Variants in FRMPD1 observed in about 807,000 individuals in gnomAD.
FRMPD1 encodes the protein FERM and PDZ domain-containing protein 1.
FRMPD1 carries 76 observed loss-of-function variants against 117.8 expected under a neutral mutation model. The ratio of observed to expected loss-of-function variants is 0.65; its 90% CI spans 0.54 to 0.78. The LOEUF is 0.78. FRMPD1 is among the 30% of genes least tolerant of loss of function. The pLI, the probability that FRMPD1 is intolerant of heterozygous loss-of-function variation, is 0.00. For missense variants in FRMPD1, 1,786 were observed against 1,964.5 expected (o/e 0.91, Z 1.72); for synonymous variants, 783 against 770.4 (o/e 1.02, Z -0.27).
chr9:37,702,944 T>A (rs960281840), intron 2 of FRMPD1, among the ~76,000 whole-genome samples: 1 of 152,200 alleles, frequency 6.6e-6, no homozygotes, highest in African/African-American at 2.4e-5. Flanking sequence ...TTCCCACTAT[T>A]CTAAATAAAG....
intron 1 of FRMPD1, among the ~76,000 whole-genome samples, chr9:37,678,238 C>G (rs1821596557): frequency 7.2e-6 from 1 of 138,798 alleles, no homozygotes; most frequent in Admixed American, 7.5e-5. Flanking sequence ...CTTTTCCCCT[C>G]TAGTACTTAC....
chr9:37,697,760 G>A (rs1353206543), intron 2 of FRMPD1, among the ~76,000 whole-genome samples: 1 of 151,960 alleles, frequency 6.6e-6, no homozygotes, highest in Non-Finnish European at 1.5e-5. Flanking sequence ...TTATAGCTTC[G>A]TATGACTACA....
At chr9:37,700,845 A>T (rs533390178) in intron 2 of FRMPD1, among the ~76,000 whole-genome samples, 102 of 152,328 alleles carry the variant, frequency 6.7e-4, no homozygotes, top group African/African-American at 2.3e-3. Context: ...CCTCACATTT[A>T]TGGTTTGAAA....
chr9:37,632,789 C>T, the FRMPD1 span, among the ~76,000 whole-genome samples: 1 of 151,728 alleles, frequency 6.6e-6, no homozygotes, highest in African/African-American at 2.4e-5. Flanking sequence ...GGGTCAGCTG[C>T]CCTCAAATCA....
At chr9:37,659,591 G>C (rs1341782349) in intron 1 of FRMPD1, among the ~76,000 whole-genome samples, 1 of 152,108 alleles carries the variant, frequency 6.6e-6, no homozygotes. Context: ...GGACAAAGAA[G>C]GGACACATAG....
chr9:37,708,317 T>C, intron 3 of FRMPD1, 82 bp from the exon 4 acceptor site: 1 of 794,846 alleles, frequency 1.3e-6, no homozygotes, highest in South Asian at 1.6e-5. Flanking sequence ...TGGATCAGGG[T>C]GCCATTTAAC....
At chr9:37,622,321 CAATG>C in the FRMPD1 span, among the ~76,000 whole-genome samples, 13 of 152,186 alleles carry the variant, frequency 8.5e-5, 1 homozygote, top group Admixed American at 8.5e-4. Flanking sequence ...TTAATAGCCG[CAATG>C]AATTACCAAC....
chr9:37,660,652 CCCA>C (rs1310624837), intron 1 of FRMPD1, among the ~76,000 whole-genome samples: 1 of 152,178 alleles, frequency 6.6e-6, no homozygotes, highest in African/African-American at 2.4e-5. Flanking sequence ...TCAAAATATC[CCCA>C]CATCAAAATA....
intron 1 of FRMPD1, chr9:37,661,705 G>A (rs1011780848): frequency 2.0e-5 from 3 of 152,250 alleles, no homozygotes; most frequent in Non-Finnish European, 2.9e-5. Flanking sequence ...CTGGGCCTCA[G>A]TTTCCTATCT....
At chr9:37,606,182 A>G in the FRMPD1 span, among the ~76,000 whole-genome samples, 1 of 152,124 alleles carries the variant, frequency 6.6e-6, no homozygotes, top group Non-Finnish European at 1.5e-5. Flanking sequence ...GGCAGTAGAG[A>G]TGGTTGGATA....
the FRMPD1 span, among the ~76,000 whole-genome samples, chr9:37,603,473 C>T: frequency 6.6e-6 from 1 of 152,178 alleles, no homozygotes; most frequent in African/African-American, 2.4e-5. Context: ...GAAGTAGAGA[C>T]TTCTGGGACA....
chr9:37,737,998 A>G lies in FRMPD1; in HGVS notation c.1549+755A>G, dbSNP rs1588970552. Among the ~76,000 whole-genome samples the G allele has an allele frequency of 6.6e-5, 10 of 152,218 alleles. No homozygotes were observed. The South Asian group carries it at 2.1e-3, about 32-fold the overall frequency. On this transcript the variant is annotated intron_variant, in intron 14 of 15. Coordinates refer to ENST00000377765, the MANE Select transcript of FRMPD1 (RefSeq NM_014907.3). ...GGCAGGTAAGACAGTTTCCTAGGCC[A>G]GCTCCCAGTTTCTGCCAGGCTTTTG...
the FRMPD1 span, among the ~76,000 whole-genome samples, chr9:37,608,309 G>A: frequency 5.3e-5 from 8 of 152,044 alleles, no homozygotes; most frequent in South Asian, 1.5e-3. Context: ...ACTCTTCAAA[G>A]TTTTGAACTC....
At chr9:37,702,790 C>T (rs1363476339) in intron 2 of FRMPD1, among the ~76,000 whole-genome samples, 1 of 152,182 alleles carries the variant, frequency 6.6e-6, no homozygotes, top group East Asian at 1.9e-4. Context: ...ATAGCTTACA[C>T]AGTGCTCTGG....
intron 1 of FRMPD1, among the ~76,000 whole-genome samples, chr9:37,668,868 A>C (rs1821254982): frequency 1.3e-5 from 2 of 152,230 alleles, no homozygotes; most frequent in Non-Finnish European, 1.5e-5. Flanking sequence ...TTCAAAAGGC[A>C]GCATCCTTAA....
chr9:37,708,756 T>C (rs1026457007), intron 4 of FRMPD1, among the ~76,000 whole-genome samples: 1 of 152,226 alleles, frequency 6.6e-6, no homozygotes, highest in Non-Finnish European at 1.5e-5. Flanking sequence ...AGCCCTGCTA[T>C]GCCCAAGACA....
At chr9:37,733,277 T>C (rs2118406373) in intron 10 of FRMPD1, among the ~76,000 whole-genome samples, 196 bp from the exon 11 acceptor site, 1 of 152,310 alleles carries the variant, frequency 6.6e-6, no homozygotes, top group Non-Finnish European at 1.5e-5. Flanking sequence ...TGGGGTTTAG[T>C]TCCTGAATGC....
intron 1 of FRMPD1, among the ~76,000 whole-genome samples, chr9:37,651,900 G>A (rs1334900481): frequency 1.3e-5 from 2 of 152,232 alleles, no homozygotes; most frequent in Admixed American, 1.3e-4. Context: ...AGTTTGGGTG[G>A]AGGCAATATT....
the FRMPD1 span, among the ~76,000 whole-genome samples, chr9:37,645,915 G>A: frequency 2.0e-5 from 3 of 152,274 alleles, no homozygotes; most frequent in South Asian, 6.2e-4. Context: ...AGGGCTCAGG[G>A]AACATTGGTT....
Sources: allele counts gnomAD v4.1 joint callset (sites outside exome capture counted in the v4.1 genomes callset), GRCh38; gene constraint gnomAD v4.1.1; transcripts MANE v1.5; gene names NCBI Gene and HGNC (gene_info 2026-07-23, HGNC 2026-07-21).